The following CHD7 variants were observed in gnomAD, a reference collection of about 807,000 sequenced individuals.
CHD7 encodes the protein ATP-dependent chromatin remodeler CHD7.
CHD7 carries 24 observed loss-of-function variants against 307.3 expected under a neutral mutation model. That is an observed-to-expected ratio of 0.08 (90% confidence interval 0.06 to 0.11). CHD7 has a LOEUF of 0.11. CHD7 is among the 10% of genes least tolerant of loss of function. CHD7 has a pLI of 1.00. For synonymous variants in CHD7, 1,363 were observed against 1,349.9 expected (o/e 1.01, Z -0.21); for missense variants, 3,106 against 3,727.1 (o/e 0.83, Z 4.34).
At chr8:60,782,218 A>G (rs1008092208) in intron 3 of CHD7, among the ~76,000 whole-genome samples, 8 of 152,330 alleles carry the variant, frequency 5.3e-5, no homozygotes, top group South Asian at 2.1e-4. Flanking sequence ...AGATGGAACT[A>G]TGGTCAGCCT....
Position 60,742,635 on chromosome 8 carries a change from A to G in CHD7, c.1203A>G (p.Ala401=), listed in dbSNP as rs147960212. ...ASPPPMSPMK[A]MSNPAGTPPP... ...CACCTCCCATGTCACCCATGAAAGC[A>G]ATGAGTAATCCAGCAGGCACTCCTC... is the stretch of plus-strand genomic sequence containing the variant. The change falls in exon 2 of 38, where the codon GCA becomes GCG. Residue 401 remains alanine (A), a synonymous_variant. Coordinates refer to ENST00000423902, the MANE Select transcript of CHD7 (RefSeq NM_017780.4). The G allele has an allele frequency of 1.9e-4, 310 of 1,612,162 alleles. 2 individuals are homozygous for G. In the East Asian group the frequency reaches 6.3e-3, roughly 33 times the overall value.
intron 4 of CHD7, among the ~76,000 whole-genome samples, chr8:60,799,291 A>G (rs1009595854): frequency 6.6e-6 from 1 of 152,332 alleles, no homozygotes; most frequent in Admixed American, 6.5e-5. Context: ...AAAGGTCTGC[A>G]TGTTTAAGTT....
chr8:60,836,096 G>T lies in CHD7; in HGVS notation c.3802G>T (p.Glu1268Ter). ...INGAEEKILE[E>*]FKETHNAESP... ...AGGTGCTGAAGAGAAAATTTTGGAA[G>T]AGTTTAAAGAAACACACAATGCAGA... is the stretch of plus-strand genomic sequence containing the variant. Residue 1268 changes from glutamate to a stop codon, truncating the protein, a stop_gained, in exon 16 of 38, where the codon GAG becomes TAG. Coordinates refer to ENST00000423902, the MANE Select transcript of CHD7 (RefSeq NM_017780.4). LOFTEE classifies it high-confidence loss of function. 3.1e-6 allele frequency: 5 copies of T among 1,612,044 alleles called. No individual in the cohort carries two copies. The East Asian group carries it at 1.1e-4, about 36-fold the overall frequency.
At chr8:60,683,562 TAGAG>T (rs1441780413) in intron 1 of CHD7, among the ~76,000 whole-genome samples, 1 of 152,242 alleles carries the variant, frequency 6.6e-6, no homozygotes, top group East Asian at 1.9e-4. Context: ...TTATCCTTAT[TAGAG>T]AATGATTGGA....
chr8:60,821,786 C>T lies in CHD7; in HGVS notation c.2698-4C>T. On this transcript the variant is annotated splice_region_variant and splice_polypyrimidine_tract_variant and intron_variant, in intron 9 of 37. Coordinates refer to ENST00000423902, the MANE Select transcript of CHD7 (RefSeq NM_017780.4). ...CAATTCTGATTTATTTAAATCTGGTCCAGCCTGTGACTCACTATCTGGTGA... is the reference window on the plus strand; with the variant it reads ...CAATTCTGATTTATTTAAATCTGGTTCAGCCTGTGACTCACTATCTGGTGA... 1 of 1,553,398 alleles carries T rather than the reference C, an allele frequency of 6.4e-7. No individual in the cohort carries two copies. The highest frequency in any genetic ancestry group is 8.7e-7 in the Non-Finnish European group (1 of 1,148,066).
At chr8:60,805,817 A>G (rs1812510256) in intron 6 of CHD7, among the ~76,000 whole-genome samples, 1 of 152,198 alleles carries the variant, frequency 6.6e-6, no homozygotes, top group African/African-American at 2.4e-5. Flanking sequence ...TATAACATAT[A>G]TATCAGTTAT....
chr8:60,835,927 A>G (rs1804722433), intron 15 of CHD7, 146 bp from the exon 16 acceptor site: 1 of 639,304 alleles, frequency 1.6e-6, no homozygotes, highest in Non-Finnish European at 2.7e-6. Context: ...AGACCCAACT[A>G]TGAGTAAGTG....
intron 1 of CHD7, among the ~76,000 whole-genome samples, chr8:60,729,826 T>C (rs1414351019): frequency 3.9e-5 from 6 of 152,262 alleles, no homozygotes; most frequent in South Asian, 2.1e-4. Flanking sequence ...CATGTACTTA[T>C]TGATCTGTGA....
At chr8:60,778,250 G>A (rs1811046451) in intron 2 of CHD7, among the ~76,000 whole-genome samples, 1 of 152,186 alleles carries the variant, frequency 6.6e-6, no homozygotes. Context: ...TTAAGGAGAT[G>A]TGGGTCTGGT....
In CHD7 at chr8:60,682,619, T is replaced by A. The variant is rs145242643; in HGVS notation, c.-175+3537T>A. ...TTGATTCAGCAAACCTTGGCAAGCC[T>A]TCCATGGTTAAAACAATAAAAGGCA... On this transcript the variant is annotated intron_variant, in intron 1 of 37. Coordinates refer to ENST00000423902, the MANE Select transcript of CHD7 (RefSeq NM_017780.4). Among the ~76,000 whole-genome samples, 332 of 152,350 alleles carry A rather than the reference T, an allele frequency of 2.2e-3. 2 individuals carry two copies. Among genetic ancestry groups the A allele is most frequent in the African/African-American group, 7.6e-3 (318 of 41,582 alleles).
intron 2 of CHD7, among the ~76,000 whole-genome samples, chr8:60,750,567 A>T (rs1483484182): frequency 6.6e-6 from 1 of 152,250 alleles, no homozygotes; most frequent in Non-Finnish European, 1.5e-5. Flanking sequence ...CATTAAAGAA[A>T]CTGGTAAAAC....
chr8:60,748,654 G>C (rs1170513885), intron 2 of CHD7, among the ~76,000 whole-genome samples: 1 of 152,156 alleles, frequency 6.6e-6, no homozygotes, highest in East Asian at 1.9e-4. Flanking sequence ...TGTTCTTAAG[G>C]TTACAGGCAA....
chr8:60,807,243 G>C (rs1812577624), intron 6 of CHD7, among the ~76,000 whole-genome samples: 1 of 152,154 alleles, frequency 6.6e-6, no homozygotes, highest in African/African-American at 2.4e-5. Flanking sequence ...AAGCATTTCG[G>C]AGGTGGCTGA....
chr8:60,799,119 T>G (rs1812171748), intron 4 of CHD7, among the ~76,000 whole-genome samples: 1 of 152,262 alleles, frequency 6.6e-6, no homozygotes, highest in Admixed American at 6.5e-5. Context: ...CTTAAGAAGT[T>G]AATATATCGA....
chr8:60,839,296 A>G (rs995382347), intron 19 of CHD7, among the ~76,000 whole-genome samples: 5 of 152,244 alleles, frequency 3.3e-5, no homozygotes, highest in African/African-American at 1.2e-4. Context: ...TTGCTGAACA[A>G]TATTCCATTG....
Position 60,760,929 on chromosome 8 carries a change from T to G in CHD7, c.1665+17832T>G, listed in dbSNP as rs185563506. Among the ~76,000 whole-genome samples, 275 of 152,314 alleles carry G rather than the reference T, an allele frequency of 1.8e-3. 1 individual carries two copies. Among genetic ancestry groups the G allele is most frequent in the African/African-American group, 6.2e-3 (256 of 41,572 alleles). The stretch of plus-strand genomic sequence containing the variant: ...TAGTTCAACCATTGTGGAAGGTCAG[T>G]GTGGCGATTCCTCAGGGATCTAGAA... On this transcript the variant is annotated intron_variant, in intron 2 of 37. Coordinates refer to ENST00000423902, the MANE Select transcript of CHD7 (RefSeq NM_017780.4).
At chr8:60,851,956 T>A in intron 28 of CHD7, 63 bp from the exon 29 acceptor site, 1 of 1,147,812 alleles carries the variant, frequency 8.7e-7, no homozygotes, top group Non-Finnish European at 1.2e-6. Flanking sequence ...CCTGTTTTGT[T>A]GGAATACTCT....
chr8:60,683,364 T>C (rs961629901), intron 1 of CHD7, among the ~76,000 whole-genome samples: 10 of 152,220 alleles, frequency 6.6e-5, no homozygotes, highest in African/African-American at 2.4e-4. Context: ...GTTGCAGTGA[T>C]GGCAGAGGTC....
In CHD7 at chr8:60,856,521, C is replaced by T. The variant is rs776149801; in HGVS notation, c.7241C>T (p.Ala2414Val). ...RRKIEIEAER[A>V]AKRRNLMEMV... ...AAAATCGAAATTGAGGCCGAAAGAG[C>T]TGCCAAGAGGCGAAATCTCATGGAG... is the stretch of plus-strand genomic sequence containing the variant. The change falls in exon 34 of 38, where the codon GCT becomes GTT. Residue 2414 changes from alanine (A) to valine (V), a missense_variant. Ala to Val is a moderately conservative substitution (Grantham distance 64). Around this residue, in one of 10 missense-constraint regions of CHD7, gnomAD observed 1,030 missense variants for 1,165.4 expected, o/e 0.88. Coordinates refer to ENST00000423902, the MANE Select transcript of CHD7 (RefSeq NM_017780.4). The T allele has an allele frequency of 8.1e-6, 13 of 1,613,868 alleles. No individual in the cohort carries two copies. In the African/African-American group the frequency reaches 1.7e-4, roughly 22 times the overall value.
Sources: allele counts gnomAD v4.1 joint callset (sites outside exome capture counted in the v4.1 genomes callset), GRCh38; gene constraint gnomAD v4.1.1; regional missense constraint gnomAD v4.1.1; transcripts MANE v1.5; gene names NCBI Gene and HGNC (gene_info 2026-07-23, HGNC 2026-07-21).